The following POP4 variants were observed in gnomAD, a reference collection of about 807,000 sequenced individuals.
POP4 encodes the protein ribonuclease P protein subunit p29.
Under a neutral mutation model 29.9 loss-of-function variants are expected in POP4, and 31 were observed. That is an observed-to-expected ratio of 1.04 (90% CI 0.78 to 1.40). POP4 has a LOEUF of 1.40. POP4 is among the 40% of genes most tolerant of loss of function. POP4 has a pLI of 0.00. For missense variants in POP4, 286 were observed against 282.7 expected (o/e 1.01, Z -0.08); for synonymous variants, 110 against 108.2 (o/e 1.02, Z -0.10).
At chr19:29,614,853 T>G (rs1971112652) in intron 6 of POP4, among the ~76,000 whole-genome samples, 1 of 152,186 alleles carries the variant, frequency 6.6e-6, no homozygotes, top group African/African-American at 2.4e-5. Flanking sequence ...TCCCTTATTT[T>G]CCTACATATC....
chr19:29,614,574 G>A (rs1036034494), intron 6 of POP4, among the ~76,000 whole-genome samples: 15 of 146,012 alleles, frequency 1.0e-4, no homozygotes, highest in Admixed American at 6.4e-4. Flanking sequence ...GCACAATCTC[G>A]ACTCACTGCA....
intron 6 of POP4, 106 bp from the exon 7 acceptor site, chr19:29,615,138 T>C (rs1265148409): frequency 7.6e-7 from 1 of 1,318,990 alleles, no homozygotes; most frequent in Non-Finnish European, 1.0e-6. Flanking sequence ...ATTAGCTTAT[T>C]TTTTTCATTC....
At chr19:29,609,973 A>G (rs1971045276) in intron 2 of POP4, among the ~76,000 whole-genome samples, 1 of 152,138 alleles carries the variant, frequency 6.6e-6, no homozygotes, top group African/African-American at 2.4e-5. Flanking sequence ...TGTTTTCTGT[A>G]GTGTTAGGAT....
chr19:29,607,657 T>G (rs1971015812), intron 1 of POP4, among the ~76,000 whole-genome samples: 1 of 152,208 alleles, frequency 6.6e-6, no homozygotes, highest in African/African-American at 2.4e-5. Flanking sequence ...GTTTTCTTCT[T>G]TCAAAAAATT....
intron 5 of POP4, among the ~76,000 whole-genome samples, chr19:29,612,792 G>T (rs926852514): frequency 6.6e-6 from 1 of 152,100 alleles, no homozygotes; most frequent in Admixed American, 6.5e-5. Context: ...TAATCTCCTC[G>T]AATCCTTCGG....
intron 6 of POP4, among the ~76,000 whole-genome samples, chr19:29,614,370 G>T (rs1599488079): frequency 6.6e-6 from 1 of 152,218 alleles, no homozygotes; most frequent in African/African-American, 2.4e-5. Context: ...TGTGTCCTTG[G>T]CGATAACACT....
intron 2 of POP4, 175 bp downstream of exon 2, chr19:29,608,884 G>A: frequency 1.7e-6 from 1 of 578,710 alleles, no homozygotes; most frequent in Non-Finnish European, 3.0e-6. Flanking sequence ...GTTCCCACGT[G>A]CCAGCCTCCT....
chr19:29,610,759 C>T (rs1474941423), intron 3 of POP4, 127 bp downstream of exon 3: 11 of 933,196 alleles, frequency 1.2e-5, no homozygotes, highest in African/African-American at 8.3e-5. Flanking sequence ...TCGTCTGCCA[C>T]AAGAGGGCAG....
intron 3 of POP4, 38 bp downstream of exon 3, chr19:29,610,670 T>A: frequency 6.3e-7 from 1 of 1,592,460 alleles, no homozygotes; most frequent in Non-Finnish European, 8.6e-7. Context: ...CCCGCGGTGC[T>A]TACCCTTCTT....
chr19:29,615,408 A>T lies in POP4; in HGVS notation c.*28A>T, dbSNP rs938880779. 6.9e-6 allele frequency: 11 copies of T among 1,605,372 alleles called. No homozygotes were observed. Among genetic ancestry groups the T allele is most frequent in the Non-Finnish European group, 6.0e-6 (7 of 1,174,774 alleles). ...TCTTTGCCGTCTAAGGCAGTTGTTT[A>T]TGACAGCTGAAAACTGGACACTCCC... On this transcript the variant is annotated 3_prime_UTR_variant, in exon 7 of 7. Transcript: ENST00000585603.
rs969323796 is a variant in POP4 at position 29,611,731 on chromosome 19, C to T, written c.285-131C>T. On this transcript the variant is annotated intron_variant, in intron 3 of 6. Transcript: ENST00000585603. ...GGTTATCAGCTCAATTGCTCATCGT[C>T]GGATTTGCACATAGTTCCTAATGAT... The T allele has an allele frequency of 4.6e-5, 34 of 732,374 alleles. No individual in the cohort carries two copies. The African/African-American group carries it at 5.6e-4, about 12-fold the overall frequency. 45.4% of individuals were successfully genotyped at this position (732,374 alleles called of 1,614,324 possible). A position where few individuals can be genotyped will look rare whatever the true frequency, so the allele number is the denominator to read the frequency against.
Position 29,608,638 on chromosome 19 carries a change from C to A in POP4, c.8-19C>A, listed in dbSNP as rs1971031935. The A allele has an allele frequency of 1.9e-6, 3 of 1,609,182 alleles. No individual in the cohort carries two copies. Among genetic ancestry groups the A allele is most frequent in the Non-Finnish European group, 1.7e-6 (2 of 1,176,178 alleles). ...CATACCCAACAAGAATTGATCATTT[C>A]TTTTTTTTAATCCCCCAGGTGTGAT... On this transcript the variant is annotated intron_variant, in intron 1 of 6. Coordinates refer to ENST00000585603, the MANE Select transcript of POP4 (RefSeq NM_006627.3).
Position 29,616,844 on chromosome 19 carries a change from C to T in POP4, c.*1464C>T. The T allele has an allele frequency of 6.6e-6, 1 of 152,464 alleles. No homozygotes were observed. The highest frequency in any genetic ancestry group is 1.9e-4 in the East Asian group (1 of 5,176). The allele number at this position is 152,464 out of a possible 1,614,324, so 9.4% of individuals were successfully genotyped here. ...AGCACACTGCCACCTCGGACACGGGCCCCGGCCCAGCGACTGCCTTGTGGT... is the reference window on the plus strand; with the variant it reads ...AGCACACTGCCACCTCGGACACGGGTCCCGGCCCAGCGACTGCCTTGTGGT... On this transcript the variant is annotated 3_prime_UTR_variant, in exon 7 of 7. Transcript: ENST00000585603.
chr19:29,610,800 C>A, intron 3 of POP4, 168 bp downstream of exon 3: 1 of 673,688 alleles, frequency 1.5e-6, no homozygotes, highest in Non-Finnish European at 2.5e-6. Context: ...CTGTGTTCAG[C>A]GAGGCGGGTG....
Position 29,615,173 on chromosome 19 carries a change from C to T in POP4, c.527-71C>T, listed in dbSNP as rs912530673. The T allele has an allele frequency of 3.5e-6, 5 of 1,428,712 alleles. No homozygotes were observed. In the South Asian group the frequency reaches 7.2e-5, roughly 21 times the overall value. The allele number at this position is 1,428,712 out of a possible 1,614,324, so 88.5% of individuals were successfully genotyped here. On this transcript the variant is annotated intron_variant, in intron 6 of 6. Transcript: ENST00000585603. ...CAATGTGTTCTGAATAATATTCTAC[C>T]TAAAAGTAAAATATTAATAAATATT...
intron 5 of POP4, among the ~76,000 whole-genome samples, chr19:29,612,405 C>A (rs916844908): frequency 6.6e-6 from 1 of 152,174 alleles, no homozygotes; most frequent in Non-Finnish European, 1.5e-5. Flanking sequence ...CTCTGTGTAC[C>A]TTCTCCACAC....
intron 5 of POP4, among the ~76,000 whole-genome samples, chr19:29,612,640 C>T (rs879661291): frequency 3.3e-5 from 5 of 152,176 alleles, no homozygotes; most frequent in African/African-American, 4.8e-5. Flanking sequence ...CAGGGGGCAT[C>T]TCAGACTTTA....
intron 2 of POP4, 180 bp from the exon 3 acceptor site, chr19:29,610,229 C>T (rs557849943): frequency 6.6e-6 from 4 of 604,152 alleles, no homozygotes; most frequent in Non-Finnish European, 1.2e-5. Flanking sequence ...GTGTGACTTA[C>T]ATCTCGGCAG....
At chr19:29,608,225 AGTGT>A (rs1307266288) in intron 1 of POP4, among the ~76,000 whole-genome samples, 1 of 49,432 alleles carries the variant, frequency 2.0e-5, no homozygotes, top group African/African-American at 8.0e-5. Context: ...TTCTGCTATA[AGTGT>A]AGAAGTGTAG....
Sources: allele counts gnomAD v4.1 joint callset (sites outside exome capture counted in the v4.1 genomes callset), GRCh38; gene constraint gnomAD v4.1.1; transcripts MANE v1.5; gene names NCBI Gene and HGNC (gene_info 2026-07-23, HGNC 2026-07-21).